The following PTPRT variants were observed in gnomAD, a reference collection of about 807,000 sequenced individuals.
PTPRT encodes the protein receptor-type tyrosine-protein phosphatase T.
Under a neutral mutation model 176.8 loss-of-function variants are expected in PTPRT, and 56 were observed. The observed-to-expected ratio is 0.32, with a 90% CI of 0.26 to 0.40. The LOEUF is 0.40. PTPRT is among the 10% of genes least tolerant of loss of function. The probability of loss-of-function intolerance (pLI) is 1.00; values close to 1 mark genes in which losing one functional copy is unlikely to be tolerated. For missense variants in PTPRT, 1,540 were observed against 1,908.2 expected, an observed-to-expected ratio of 0.81 and a Z score of 3.60; for synonymous variants, 783 against 739.0, an observed-to-expected ratio of 1.06 and a Z score of -0.96.
intron 27 of PTPRT, among the ~76,000 whole-genome samples, chr20:42,092,585 C>T (rs1375363462): frequency 1.3e-5 from 2 of 152,190 alleles, no homozygotes; most frequent in Non-Finnish European, 2.9e-5. Context: ...TTACCCCTAC[C>T]ATTCTGGTGG....
intron 16 of PTPRT, among the ~76,000 whole-genome samples, chr20:42,179,935 C>G (rs1990444939): frequency 6.6e-6 from 1 of 152,188 alleles, no homozygotes; most frequent in Admixed American, 6.5e-5. Flanking sequence ...ATGCAGAAAT[C>G]AATGCTAGAT....
rs6030471 is a variant in PTPRT at position 42,789,599 on chromosome 20, T to C, written c.486+1596A>G. On this transcript the variant is annotated intron_variant, in intron 3 of 30. Coordinates refer to ENST00000373187, the MANE Select transcript of PTPRT (RefSeq NM_007050.6). The stretch of plus-strand genomic sequence containing the variant: ...TGCCTGGAACATGATAAACACCCAA[T>C]GAACGGTAGGTATCACCATCACCAC... Among the ~76,000 whole-genome samples the C allele has an allele frequency of 5.2e-3, 798 of 152,286 alleles. 12 individuals are homozygous for C. The highest frequency in any genetic ancestry group is 0.018 in the African/African-American group (744 of 41,538).
At chr20:42,494,918 C>A (rs1197385868) in intron 7 of PTPRT, among the ~76,000 whole-genome samples, 4 of 152,174 alleles carry the variant, frequency 2.6e-5, no homozygotes, top group Non-Finnish European at 5.9e-5. Flanking sequence ...ATTAATTTAG[C>A]ATCACATCTT....
At chr20:42,600,495 C>A (rs756423530) in intron 7 of PTPRT, among the ~76,000 whole-genome samples, 9 of 152,022 alleles carry the variant, frequency 5.9e-5, no homozygotes, top group Non-Finnish European at 1.2e-4. Context: ...TTTAAAGGTA[C>A]AATTGTAGTT....
rs1036779009 is a variant in PTPRT at position 42,496,064 on chromosome 20, T to C, written c.1154-23502A>G. ...AGTAAGCTAGAGAAAAAAATATTAT[T>C]AGGGAAATCATAAAGAGGAGAAAAT... is the stretch of plus-strand genomic sequence containing the variant. On this transcript the variant is annotated intron_variant, in intron 7 of 30. Coordinates refer to ENST00000373187, the MANE Select transcript of PTPRT (RefSeq NM_007050.6). 4.9e-4 allele frequency among the ~76,000 whole-genome samples: 75 copies of C among 152,136 alleles called. 1 individual carries two copies. The highest frequency in any genetic ancestry group is 1.8e-3 in the African/African-American group (74 of 41,436).
chr20:42,441,114 A>T (rs2059312308), intron 9 of PTPRT, among the ~76,000 whole-genome samples: 1 of 152,244 alleles, frequency 6.6e-6, no homozygotes, highest in Admixed American at 6.5e-5. Context: ...TCACCAATAC[A>T]GGACCCATAC....
At chr20:43,150,668 G>C (rs1268498578) in intron 1 of PTPRT, among the ~76,000 whole-genome samples, 2 of 152,012 alleles carry the variant, frequency 1.3e-5, no homozygotes, top group African/African-American at 4.8e-5. Flanking sequence ...TGTTGGCCAG[G>C]CTGGTCTTGA....
intron 6 of PTPRT, chr20:42,688,391 C>T (rs1159650685): frequency 2.6e-4 from 39 of 152,260 alleles, no homozygotes; most frequent in Admixed American, 2.6e-3. Context: ...CTGTGCTCCT[C>T]CTACAGACTT....
At chr20:42,278,216 G>C (rs940480710) in intron 13 of PTPRT, among the ~76,000 whole-genome samples, 1 of 147,256 alleles carries the variant, frequency 6.8e-6, no homozygotes, top group Non-Finnish European at 1.5e-5. Context: ...TTAAAACAGA[G>C]GTCAGGATGG....
intron 1 of PTPRT, among the ~76,000 whole-genome samples, chr20:42,954,336 T>C (rs1981480529): frequency 6.6e-6 from 1 of 152,164 alleles, no homozygotes; most frequent in Admixed American, 6.5e-5. Flanking sequence ...GGCTCTTGTT[T>C]GGTGAGCAGG....
chr20:42,351,960 A>G (rs1041684911), intron 10 of PTPRT, 124 bp downstream of exon 10: 17 of 831,574 alleles, frequency 2.0e-5, no homozygotes, highest in South Asian at 6.7e-5. Context: ...CTCACTAGGG[A>G]CTGGATCGTC....
At chr20:42,528,152 G>A (rs2072311917) in intron 7 of PTPRT, among the ~76,000 whole-genome samples, 1 of 151,954 alleles carries the variant, frequency 6.6e-6, no homozygotes, top group Non-Finnish European at 1.5e-5. Context: ...CAGCTCTCGG[G>A]TGTTTGCATA....
intron 2 of PTPRT, among the ~76,000 whole-genome samples, chr20:42,815,364 G>A (rs1030760799): frequency 5.9e-5 from 9 of 152,208 alleles, no homozygotes; most frequent in African/African-American, 2.2e-4. Flanking sequence ...ACTGACTGAA[G>A]AGATGAGTTT....
chr20:42,659,838 C>G (rs768688413), intron 7 of PTPRT, among the ~76,000 whole-genome samples: 2 of 152,150 alleles, frequency 1.3e-5, no homozygotes, highest in African/African-American at 2.4e-5. Context: ...GCTCTTGCCT[C>G]CTCCATCCCA....
At chr20:42,507,535 A>G (rs2071868657) in intron 7 of PTPRT, among the ~76,000 whole-genome samples, 1 of 152,202 alleles carries the variant, frequency 6.6e-6, no homozygotes, top group African/African-American at 2.4e-5. Flanking sequence ...TCTGAGCCCC[A>G]GTCTTCTATG....
chr20:42,857,858 T>A (rs1265450606), intron 2 of PTPRT, among the ~76,000 whole-genome samples: 3 of 152,170 alleles, frequency 2.0e-5, no homozygotes, highest in African/African-American at 7.2e-5. Flanking sequence ...CTGCAGAAGG[T>A]GTCTCCTGTT....
rs1288089522 is a variant in PTPRT at position 42,161,380 on chromosome 20, T to C, written c.2654A>G (p.Gln885Arg). Residue 885 changes from glutamine (Q) to arginine (R), a missense_variant, in exon 17 of 31, where the codon CAG becomes CGG. Around this residue, in one of 11 missense-constraint regions of PTPRT, gnomAD observed 255 missense variants for 250.1 expected, o/e 1.02. Transcript: ENST00000373187. The part of the protein sequence containing the change: ...LQHITQMKRG[Q>R]GYGFKEEYEA... ...GTATTCCTCCTTGAACCCGTAGCCC[T>C]GGCCTCTCTTCATCTGCGTGATGTG... The C allele has an allele frequency of 1.9e-6, 3 of 1,614,134 alleles. No homozygotes were observed. The Admixed American group carries it at 5.0e-5, about 27-fold the overall frequency.
chr20:42,732,988 T>C (rs74692372), intron 6 of PTPRT, among the ~76,000 whole-genome samples: 3,441 of 152,238 alleles, frequency 0.023, 122 homozygotes, highest in African/African-American at 0.079. Context: ...GTACCAGTTT[T>C]AGGATGAATA....
At chr20:42,595,444 C>T (rs1222423240) in intron 7 of PTPRT, among the ~76,000 whole-genome samples, 2 of 152,026 alleles carry the variant, frequency 1.3e-5, no homozygotes, top group Non-Finnish European at 2.9e-5. Context: ...GTCAAATGTC[C>T]TCTGGTGAGA....
Sources: gnomAD v4.1 joint callset for allele counts (sites outside exome capture counted in the v4.1 genomes callset) on GRCh38, gnomAD v4.1.1 for gene constraint, gnomAD v4.1.1 regional missense constraint, MANE v1.5 for transcripts, NCBI Gene and HGNC (gene_info 2026-07-23, HGNC 2026-07-21) for gene names.